GPHN: variants seen among roughly 807,000 people sequenced by gnomAD.
The protein encoded by GPHN is gephyrin.
GPHN carries 17 observed loss-of-function variants against 95.5 expected under a neutral mutation model. That is an observed-to-expected ratio of 0.18 (90% CI 0.12 to 0.27). The LOEUF (loss-of-function observed/expected upper bound fraction) is 0.27. GPHN is among the 10% of genes least tolerant of loss of function. The pLI is 1.00. For missense variants in GPHN, 660 were observed against 978.1 expected (o/e 0.67, Z 4.34); for synonymous variants, 320 against 322.5 (o/e 0.99, Z 0.08).
intron 2 of GPHN, among the ~76,000 whole-genome samples, chr14:66,683,340 A>G (rs376205507): frequency 4.8e-4 from 3 of 6,188 alleles, no homozygotes; most frequent in African/African-American, 2.1e-3. Context: ...ATATATATAT[A>G]TATATATATA....
chr14:67,362,760 T>A, the GPHN span, among the ~76,000 whole-genome samples: 15 of 152,082 alleles, frequency 9.9e-5, no homozygotes, highest in Admixed American at 9.8e-4. Context: ...AAAAAAAAAA[T>A]TTAAGTTATT....
At chr14:67,579,932 T>G in the GPHN span, 1 of 1,502,800 alleles carries the variant, frequency 6.7e-7, no homozygotes, top group Admixed American at 2.0e-5. Flanking sequence ...ATATTGGTGG[T>G]GGGGAAAGAG....
Position 66,536,396 on chromosome 14 carries a change from C to T in GPHN, c.64+27805C>T, listed in dbSNP as rs975845418. On this transcript the variant is annotated intron_variant, in intron 1 of 22. Transcript: ENST00000478722. ...TAAATGTTAAACCAACTTTATACTC[C>T]TAGGATAAACGTTACTTTGTCATAA... Among the ~76,000 whole-genome samples, 4 of 152,112 alleles carry T rather than the reference C, an allele frequency of 2.6e-5. No individual in the cohort carries two copies. In the East Asian group the frequency reaches 7.7e-4, roughly 29 times the overall value.
chr14:67,731,604 TTAAA>T, the GPHN span, among the ~76,000 whole-genome samples: 3 of 152,004 alleles, frequency 2.0e-5, no homozygotes, highest in Non-Finnish European at 4.4e-5. Context: ...TATACAGTCA[TTAAA>T]TATCATATTT....
chr14:67,031,614 GA>G, intron 10 of GPHN, among the ~76,000 whole-genome samples: 1 of 151,822 alleles, frequency 6.6e-6, no homozygotes, highest in Non-Finnish European at 1.5e-5. Context: ...AATTTAAAAA[GA>G]AAAAAATATT....
At chr14:66,708,339 A>G (rs2069288488) in intron 2 of GPHN, among the ~76,000 whole-genome samples, 1 of 152,206 alleles carries the variant, frequency 6.6e-6, no homozygotes, top group South Asian at 2.1e-4. Flanking sequence ...AGAAAACCTC[A>G]TAAGGTATTC....
intron 1 of GPHN, among the ~76,000 whole-genome samples, chr14:66,563,997 C>T (rs570430421): frequency 6.6e-6 from 1 of 152,224 alleles, no homozygotes; most frequent in South Asian, 2.1e-4. Flanking sequence ...TGAATACTTG[C>T]ATGTTTCATT....
the GPHN span, among the ~76,000 whole-genome samples, chr14:67,288,230 C>T: frequency 6.6e-6 from 1 of 152,140 alleles, no homozygotes; most frequent in Non-Finnish European, 1.5e-5. Flanking sequence ...TAGACATGTG[C>T]CACCACACCC....
chr14:67,279,601 A>G, the GPHN span: 1 of 1,416,488 alleles, frequency 7.1e-7, no homozygotes, highest in Non-Finnish European at 9.4e-7. Flanking sequence ...CTTATAATGT[A>G]TATGAGAAGG....
intron 2 of GPHN, among the ~76,000 whole-genome samples, chr14:66,721,490 G>T (rs1370477413): frequency 6.6e-6 from 1 of 152,004 alleles, no homozygotes; most frequent in Non-Finnish European, 1.5e-5. Context: ...ACCTAAAGAA[G>T]ATATAGCATC....
At chr14:67,244,541 CAGAG>C in the GPHN span, among the ~76,000 whole-genome samples, 13 of 152,324 alleles carry the variant, frequency 8.5e-5, no homozygotes, top group East Asian at 5.8e-4. Flanking sequence ...AATTCCAACT[CAGAG>C]AGCTGTGCAA....
the GPHN span, among the ~76,000 whole-genome samples, chr14:67,291,083 T>C: frequency 2.0e-5 from 3 of 152,058 alleles, no homozygotes; most frequent in Non-Finnish European, 4.4e-5. Context: ...GGGTCGGAGT[T>C]GACAAATTCT....
At chr14:67,674,380 C>T in the GPHN span, 3 of 1,595,110 alleles carry the variant, frequency 1.9e-6, no homozygotes, top group Non-Finnish European at 2.6e-6. Flanking sequence ...CTCACCGGTC[C>T]CCGCCGTCCC....
At chr14:66,779,900 T>A (rs1339329917) in intron 3 of GPHN, among the ~76,000 whole-genome samples, 1 of 152,094 alleles carries the variant, frequency 6.6e-6, no homozygotes, top group Admixed American at 6.6e-5. Context: ...GAAAAGTGAT[T>A]TCAGCAGAGA....
At chr14:67,181,976 A>T (rs539781052), downstream of GPHN, among the ~76,000 whole-genome samples, 1 of 152,224 alleles carries the variant, frequency 6.6e-6, no homozygotes, top group Non-Finnish European at 1.5e-5. Flanking sequence ...TCATAGCATT[A>T]TGATCTGTAG....
At chr14:67,578,160 G>T in the GPHN span, 2 of 1,613,972 alleles carry the variant, frequency 1.2e-6, no homozygotes, top group South Asian at 1.1e-5. The surrounding 1 kb of genome is among the most constrained non-coding windows in gnomAD (Gnocchi z 5.0). Flanking sequence ...TCATGAAGCA[G>T]ACCAGCTGCC....
At chr14:66,532,205 C>T (rs919803959) in intron 1 of GPHN, among the ~76,000 whole-genome samples, 2 of 152,238 alleles carry the variant, frequency 1.3e-5, no homozygotes, top group Non-Finnish European at 2.9e-5. Flanking sequence ...GTATTTTTCA[C>T]ATTTCTGTGA....
At chr14:67,566,742 C>G in the GPHN span, among the ~76,000 whole-genome samples, 5 of 126,078 alleles carry the variant, frequency 4.0e-5, no homozygotes, top group Admixed American at 1.7e-4. Context: ...GAGCCAGACC[C>G]TGTCTTGAAA....
At chr14:67,025,079 T>C (rs2073855863) in intron 10 of GPHN, among the ~76,000 whole-genome samples, 1 of 152,130 alleles carries the variant, frequency 6.6e-6, no homozygotes, top group African/African-American at 2.4e-5. Context: ...GTGAGATAAG[T>C]CTCGCATTAG....
Sources: gnomAD v4.1 joint callset for allele counts (sites outside exome capture counted in the v4.1 genomes callset) on GRCh38, gnomAD v4.1.1 for gene constraint, Gnocchi (gnomAD v3.1) non-coding constraint, MANE v1.5 for transcripts, NCBI Gene and HGNC (gene_info 2026-07-23, HGNC 2026-07-21) for gene names.